The following ERO1B variants were observed in gnomAD, a reference collection of about 807,000 sequenced individuals.
The protein encoded by ERO1B is endoplasmic reticulum oxidoreductase 1 beta.
A neutral mutation model predicts 75.3 loss-of-function variants in ERO1B; 49 were observed. That is an observed-to-expected ratio of 0.65 (90% CI 0.52 to 0.83). The LOEUF is 0.83. Among genes scored for constraint, ERO1B ranks in the 40% least tolerant of loss-of-function variants. ERO1B has a pLI of 0.00. For synonymous variants in ERO1B, 191 were observed against 192.9 expected, an observed-to-expected ratio of 0.99 and a Z score of 0.08; for missense variants, 512 against 560.1, an observed-to-expected ratio of 0.91 and a Z score of 0.87.
rs1665829630 is a variant in ERO1B at position 236,281,553 on chromosome 1, T to C, written c.102+129A>G. 11 of 608,348 alleles carry C rather than the reference T, an allele frequency of 1.8e-5. No homozygotes were observed. The East Asian group carries it at 3.5e-4, about 19-fold the overall frequency. The allele number at this position is 608,348 out of a possible 1,614,324, so 37.7% of individuals were successfully genotyped here. On this transcript the variant is annotated intron_variant, in intron 1 of 15. Transcript: ENST00000354619. Reference sequence around the variant, plus strand: ...TCAGGTCTCTGCTCCCCGGGTTTTCTGCTCGCCAGAAATCACCTCTTTTCT... The same window carrying C: ...TCAGGTCTCTGCTCCCCGGGTTTTCCGCTCGCCAGAAATCACCTCTTTTCT...
At position 236,281,884 on chromosome 1, in the gene ERO1B, C is replaced by A. The variant is rs1419520135; in HGVS notation, c.-101G>T. The A allele has an allele frequency of 3.5e-5, 29 of 832,726 alleles. No homozygotes were observed. The highest frequency in any genetic ancestry group is 4.8e-5 in the Non-Finnish European group (29 of 607,302). 51.6% of individuals were successfully genotyped at this position (832,726 alleles called of 1,614,324 possible). ...AAGGGGACGGTTCCCAGCGGCCGAG[C>A]GACTCCAGGGTCAGAGGTCTGCACT... On this transcript the variant is annotated 5_prime_UTR_variant, in exon 1 of 16. Transcript: ENST00000354619.
intron 2 of ERO1B, among the ~76,000 whole-genome samples, chr1:236,268,636 C>T (rs532590527): frequency 5.3e-4 from 81 of 152,244 alleles, no homozygotes; most frequent in Non-Finnish European, 9.8e-4. Context: ...CCTGTAATCC[C>T]AGCACTTTGG....
chr1:236,227,791 G>C (rs971977683), intron 10 of ERO1B, among the ~76,000 whole-genome samples: 3 of 152,008 alleles, frequency 2.0e-5, no homozygotes, highest in Non-Finnish European at 4.4e-5. Context: ...TGAAGCACGT[G>C]GCCTCTAACT....
chr1:236,230,162 T>C, intron 10 of ERO1B, 62 bp downstream of exon 10: 1 of 1,340,430 alleles, frequency 7.5e-7, no homozygotes, highest in Non-Finnish European at 1.1e-6. Flanking sequence ...CTTACAAAAA[T>C]ATGCTAAATA....
chr1:236,241,155 G>A (rs1209486365), intron 6 of ERO1B, among the ~76,000 whole-genome samples: 6 of 150,818 alleles, frequency 4.0e-5, no homozygotes, highest in Admixed American at 3.9e-4. Flanking sequence ...TAGTAAACTG[G>A]GTGAATATTC....
Position 236,269,068 on chromosome 1 carries a change from G to C in ERO1B, c.222+807C>G, listed in dbSNP as rs141085292. On this transcript the variant is annotated intron_variant, in intron 2 of 15. Coordinates refer to ENST00000354619, the MANE Select transcript of ERO1B (RefSeq NM_019891.4). ...TGGCCAATATGGCAAAACCCAGTCT[G>C]TACTAAAAATACAAAAACTAGCTGG... Among the ~76,000 whole-genome samples the C allele has an allele frequency of 6.6e-5, 10 of 151,770 alleles. 2 individuals carry two copies. The highest frequency in any genetic ancestry group is 2.4e-4 in the African/African-American group (10 of 41,382).
chr1:236,272,270 A>C (rs547059766), intron 1 of ERO1B, among the ~76,000 whole-genome samples: 1 of 152,214 alleles, frequency 6.6e-6, no homozygotes, highest in Non-Finnish European at 1.5e-5. Context: ...TTATCACGGC[A>C]CTATTCACAG....
chr1:236,238,252 C>G lies in ERO1B; in HGVS notation c.506-1854G>C, dbSNP rs76947453. Among the ~76,000 whole-genome samples the G allele has an allele frequency of 1.2e-3, 177 of 152,190 alleles. 2 individuals carry two copies. The highest frequency in any genetic ancestry group is 3.9e-3 in the African/African-American group (160 of 41,526). On this transcript the variant is annotated intron_variant, in intron 6 of 15. Transcript: ENST00000354619. ...TGTAAAGATACTCCACTATAAAAAG[C>G]AAGGCAAGGAAAACAATTTACAGAT...
intron 2 of ERO1B, among the ~76,000 whole-genome samples, chr1:236,262,566 AT>A (rs59083118): frequency 0.069 from 10,422 of 150,086 alleles, 749 homozygotes; most frequent in East Asian, 0.39. Flanking sequence ...CTACTGCCTA[AT>A]TTTTTTTTTG....
At chr1:236,258,527 C>T (rs1341567299) in intron 2 of ERO1B, among the ~76,000 whole-genome samples, 1 of 152,086 alleles carries the variant, frequency 6.6e-6, no homozygotes, top group East Asian at 1.9e-4. Flanking sequence ...CTAGATCTGC[C>T]TTATGAGAAA....
chr1:236,248,196 G>C (rs767431697), intron 5 of ERO1B, among the ~76,000 whole-genome samples: 1 of 152,082 alleles, frequency 6.6e-6, no homozygotes, highest in Non-Finnish European at 1.5e-5. Context: ...AAACTCAAAT[G>C]TCCAATAAAT....
chr1:236,222,659 C>T (rs1726627), intron 13 of ERO1B, among the ~76,000 whole-genome samples: 71,411 of 152,054 alleles, frequency 0.47, 17,499 homozygotes, highest in East Asian at 0.88. Context: ...ATACAACCAA[C>T]AATAAATATG....
intron 10 of ERO1B, among the ~76,000 whole-genome samples, chr1:236,227,827 C>A (rs1452431979): frequency 6.6e-6 from 1 of 152,110 alleles, no homozygotes; most frequent in Non-Finnish European, 1.5e-5. Context: ...TTTGAGTTCT[C>A]GTTCCCTAAT....
chr1:236,253,245 ATT>A (rs1365770844), intron 3 of ERO1B, among the ~76,000 whole-genome samples, 175 bp downstream of exon 3: 3 of 152,184 alleles, frequency 2.0e-5, no homozygotes, highest in Non-Finnish European at 4.4e-5. Flanking sequence ...CTTCAAACCC[ATT>A]TTGGTGTCAA....
chr1:236,244,704 T>C (rs1192178516), intron 5 of ERO1B, among the ~76,000 whole-genome samples: 1 of 152,144 alleles, frequency 6.6e-6, no homozygotes, highest in African/African-American at 2.4e-5. Context: ...AAAACCACAG[T>C]AAAGCCATGC....
At chr1:236,220,155 C>T (rs907318695) in intron 15 of ERO1B, 1 of 150,734 alleles carries the variant, frequency 6.6e-6, no homozygotes, top group African/African-American at 2.4e-5. Context: ...TACTTAGTCC[C>T]CTATTTTTTT....
chr1:236,239,887 G>T, intron 6 of ERO1B, among the ~76,000 whole-genome samples: 1 of 52,298 alleles, frequency 1.9e-5, no homozygotes, highest in Non-Finnish European at 5.1e-5. Flanking sequence ...ATGTGTGTGT[G>T]TGTGTATATA....
At chr1:236,220,224 T>G (rs1664105541) in intron 15 of ERO1B, 1 of 152,028 alleles carries the variant, frequency 6.6e-6, no homozygotes, top group Non-Finnish European at 1.5e-5. Flanking sequence ...AGCATAGTAT[T>G]ATTTTCTGTG....
intron 2 of ERO1B, among the ~76,000 whole-genome samples, chr1:236,253,859 G>C (rs1665098624): frequency 1.3e-5 from 2 of 152,132 alleles, no homozygotes; most frequent in South Asian, 4.1e-4. Context: ...GACAGAAAAA[G>C]AACTCCCCTA....
Sources: allele counts gnomAD v4.1 joint callset (sites outside exome capture counted in the v4.1 genomes callset), GRCh38; gene constraint gnomAD v4.1.1; transcripts MANE v1.5; gene names NCBI Gene and HGNC (gene_info 2026-07-23, HGNC 2026-07-21).